The following BARD1 variants were observed in gnomAD, a reference collection of about 807,000 sequenced individuals.
The protein encoded by BARD1 is BRCA1-associated RING domain protein 1.
In BARD1, 73 loss-of-function variants were observed where a neutral mutation model predicts 77.0. That is an observed-to-expected ratio of 0.95 (90% CI 0.79 to 1.15). BARD1 has a LOEUF of 1.15. BARD1 is among the 50% of genes most tolerant of loss of function. The pLI is 0.00. For missense variants in BARD1, 993 were observed against 938.8 expected, an observed-to-expected ratio of 1.06 and a Z score of -0.75; for synonymous variants, 384 against 338.0, an observed-to-expected ratio of 1.14 and a Z score of -1.49.
intron 9 of BARD1, chr2:214,731,030 C>A: frequency 2.6e-6 from 1 of 386,840 alleles, no homozygotes; most frequent in Non-Finnish European, 5.3e-6. Context: ...AACAGGGGTT[C>A]AACAGCGCTT....
intron 9 of BARD1, chr2:214,730,973 T>A: frequency 2.2e-6 from 1 of 453,066 alleles, no homozygotes. Flanking sequence ...TGATTTGACA[T>A]GAAGGAATGT....
At chr2:214,796,052 C>T (rs1695740951) in intron 2 of BARD1, among the ~76,000 whole-genome samples, 1 of 151,992 alleles carries the variant, frequency 6.6e-6, no homozygotes, top group Non-Finnish European at 1.5e-5. Context: ...CTCAAATTTC[C>T]GAATGTATTT....
intron 2 of BARD1, among the ~76,000 whole-genome samples, chr2:214,794,042 A>C (rs1298791692): frequency 6.6e-6 from 1 of 152,134 alleles, no homozygotes; most frequent in Non-Finnish European, 1.5e-5. Flanking sequence ...GCTTGAGCCC[A>C]GGAGTTCAAG....
Position 214,767,371 on chromosome 2 carries a change from T to G in BARD1, c.1568+111A>C, listed in dbSNP as rs5031005. ...TGATGATCACATCTAATTTTAGTTG[T>G]GAAAGTGAAGAAAGCCATCAACTTG... On this transcript the variant is annotated intron_variant, in intron 6 of 10. Coordinates refer to ENST00000260947, the MANE Select transcript of BARD1 (RefSeq NM_000465.4). The G allele has an allele frequency of 0.026, 27,241 of 1,056,650 alleles. 661 individuals carry two copies. The highest frequency in any genetic ancestry group is 0.071 in the South Asian group (5,251 of 73,860). The allele number at this position is 1,056,650 out of a possible 1,614,324, so 65.5% of individuals were successfully genotyped here. A position where few individuals can be genotyped will look rare whatever the true frequency, so the allele number is the denominator to read the frequency against.
At position 214,762,482 on chromosome 2, in the gene BARD1, G is replaced by A. The variant is rs533103044; in HGVS notation, c.1568+5000C>T. ...TTTACTAAGATATATATAACAGAAT[G>A]CTTAAACAAATGGAGACATGCAGCT... On this transcript the variant is annotated intron_variant, in intron 6 of 10. Coordinates refer to ENST00000260947, the MANE Select transcript of BARD1 (RefSeq NM_000465.4). Among the ~76,000 whole-genome samples the A allele has an allele frequency of 2.0e-5, 3 of 152,236 alleles. No homozygotes were observed. The South Asian group carries it at 6.2e-4, about 32-fold the overall frequency.
rs1348871714 is a variant in BARD1 at position 214,728,770 on chromosome 2, G to C, written c.2240C>G (p.Pro747Arg). The C allele has an allele frequency of 4.3e-6, 7 of 1,614,156 alleles. No individual in the cohort carries two copies. In the East Asian group the frequency reaches 1.6e-4, roughly 36 times the overall value. Residue 747 changes from proline (P) to arginine (R), a missense_variant, in exon 11 of 11, where the codon CCA becomes CGA. Pro to Arg is a moderately radical substitution (Grantham distance 103, BLOSUM62 -2). Coordinates refer to ENST00000260947, the MANE Select transcript of BARD1 (RefSeq NM_000465.4). The part of the protein sequence containing the change: ...IIYEDLCNYH[P>R]ERVRQGKVWK... ...GACTTTGCCCTGCCGAACCCTCTCT[G>C]GGTGATAATTACACAAATCTTCATA...
At chr2:214,738,146 C>T (rs1004207996) in intron 9 of BARD1, among the ~76,000 whole-genome samples, 2 of 152,244 alleles carry the variant, frequency 1.3e-5, no homozygotes, top group African/African-American at 4.8e-5. Flanking sequence ...TGTTACTTTT[C>T]ATATGTTCCT....
At chr2:214,804,521 A>G (rs533251302) in intron 1 of BARD1, among the ~76,000 whole-genome samples, 1 of 152,354 alleles carries the variant, frequency 6.6e-6, no homozygotes, top group East Asian at 1.9e-4. Context: ...CTGAACACCA[A>G]TGATTTGTGC....
intron 1 of BARD1, among the ~76,000 whole-genome samples, chr2:214,802,638 C>T (rs1314841401): frequency 6.6e-6 from 1 of 152,124 alleles, no homozygotes; most frequent in Admixed American, 6.5e-5. Flanking sequence ...TGCAGGATTT[C>T]AATAAGTTCT....
chr2:214,783,287 A>T (rs1270318613), intron 3 of BARD1, among the ~76,000 whole-genome samples: 1 of 152,186 alleles, frequency 6.6e-6, no homozygotes, highest in Non-Finnish European at 1.5e-5. Context: ...TAAGGAATTA[A>T]AGGATGGCCA....
chr2:214,809,528 G>A lies in BARD1; in HGVS notation c.42C>T (p.Ile14=), dbSNP rs746266678. The A allele has an allele frequency of 6.3e-7, 1 of 1,587,384 alleles. No individual in the cohort carries two copies. The change falls in exon 1 of 11, where the codon ATC becomes ATT. Residue 14 remains isoleucine (I), a synonymous_variant. Transcript: ENST00000260947. ...CGGAACGAGGCTCGTTCCCGGAGCG[G>A]ATCCTCGGCTGCCGGTTCCTCGGCT... ...NRQPRNRQPR[I]RSGNEPRSAP... is the part of the protein sequence containing the mutation.
In BARD1 at chr2:214,727,596, C is replaced by A. The variant is rs1574699365; in HGVS notation, c.*1080G>T. 3 of 232,266 alleles carry A rather than the reference C, an allele frequency of 1.3e-5. No homozygotes were observed. The highest frequency in any genetic ancestry group is 6.6e-5 in the African/African-American group (3 of 45,276). 14.4% of individuals were successfully genotyped at this position (232,266 alleles called of 1,614,324 possible). A position where few individuals can be genotyped will look rare whatever the true frequency, so the allele number is the denominator to read the frequency against. ...GGCCACTCTCAGGTGGTATCCTGCC[C>A]ACTCACTAAGGCCTTGCCTATTTGA... On this transcript the variant is annotated 3_prime_UTR_variant, in exon 11 of 11. Transcript: ENST00000260947.
intron 3 of BARD1, among the ~76,000 whole-genome samples, chr2:214,783,635 C>T (rs766246493): frequency 2.2e-4 from 34 of 152,074 alleles, no homozygotes; most frequent in African/African-American, 6.0e-4. Context: ...ACCTAGAAGA[C>T]GGGTTGATAG....
At chr2:214,797,144 G>C (rs754326306) in intron 1 of BARD1, 27 bp from the exon 2 acceptor site, 2 of 1,582,066 alleles carry the variant, frequency 1.3e-6, no homozygotes, top group Admixed American at 1.7e-5. Flanking sequence ...AAACAATCAA[G>C]ATTTGAGTCA....
At chr2:214,747,608 A>G (rs1693189845) in intron 7 of BARD1, among the ~76,000 whole-genome samples, 2 of 150,560 alleles carry the variant, frequency 1.3e-5, no homozygotes, top group Non-Finnish European at 3.0e-5. Flanking sequence ...TTGCAAGGAT[A>G]AAAAACCAAA....
chr2:214,791,445 G>A (rs755689658), intron 3 of BARD1, among the ~76,000 whole-genome samples: 12 of 152,090 alleles, frequency 7.9e-5, no homozygotes, highest in Non-Finnish European at 1.5e-4. Flanking sequence ...TCAAGAACAC[G>A]TTCTTCTACA....
intron 9 of BARD1, among the ~76,000 whole-genome samples, chr2:214,744,764 G>A (rs954039561): frequency 6.6e-6 from 1 of 152,078 alleles, no homozygotes; most frequent in African/African-American, 2.4e-5. Context: ...CCAAGTAGCT[G>A]GGACTACAGG....
intron 4 of BARD1, among the ~76,000 whole-genome samples, chr2:214,773,596 ATACTG>A (rs1382265253): frequency 6.6e-6 from 1 of 152,108 alleles, no homozygotes; most frequent in Non-Finnish European, 1.5e-5. Context: ...TATGTGCACT[ATACTG>A]TAGTCTACTA....
intron 1 of BARD1, among the ~76,000 whole-genome samples, chr2:214,806,503 A>G (rs1359633478): frequency 6.6e-6 from 1 of 152,224 alleles, no homozygotes; most frequent in Non-Finnish European, 1.5e-5. Flanking sequence ...GCAGCTGGCC[A>G]TGCTTTTTTC....
Sources: gnomAD v4.1 joint callset for allele counts (sites outside exome capture counted in the v4.1 genomes callset) on GRCh38, gnomAD v4.1.1 for gene constraint, MANE v1.5 for transcripts, NCBI Gene and HGNC (gene_info 2026-07-23, HGNC 2026-07-21) for gene names.